Variants in HAUS4 observed in about 807,000 individuals in gnomAD.
HAUS4 encodes HAUS augmin like complex subunit 4, also known as HAUS augmin-like complex subunit 4.
HAUS4 carries 34 observed loss-of-function variants against 50.6 expected under a neutral mutation model. The ratio of observed to expected loss-of-function variants is 0.67; its 90% confidence interval spans 0.51 to 0.90. The LOEUF is 0.90. HAUS4 is among the 40% of genes least tolerant of loss of function. The pLI, the probability that HAUS4 is intolerant of heterozygous loss-of-function variation, is 0.00. For synonymous variants in HAUS4, 149 were observed against 161.4 expected (o/e 0.92, Z 0.58); for missense variants, 370 against 428.7 (o/e 0.86, Z 1.21).
In HAUS4 at chr14:22,950,369, C is replaced by T; in HGVS notation, c.507G>A (p.Glu169=). The T allele has an allele frequency of 6.2e-7, 1 of 1,613,264 alleles. No homozygotes were observed. The highest frequency in any genetic ancestry group is 8.5e-7 in the Non-Finnish European group (1 of 1,179,268). ...TGAAACATTTCTTTTTGAGCTGCTC[C>T]TCTACTTCTTGCTGTAGCCGAGCCC... ...WMRARLQQEV[E]EQLKKKCFTL... Residue 169 remains glutamate, a synonymous_variant, in exon 6 of 10, where the codon GAG becomes GAA. Coordinates refer to ENST00000541587, the MANE Select transcript of HAUS4 (RefSeq NM_001166269.2).
Position 22,951,677 on chromosome 14 carries a change from G to T in HAUS4, c.343C>A (p.Leu115Ile). The change falls in exon 5 of 10, where the codon CTT (leucine) becomes ATT (isoleucine). Residue 115 changes from leucine to isoleucine, a missense_variant. Transcript: ENST00000541587. ...TSEDKKFHETLEQRLLVTELM... is the reference protein window; with the variant it reads ...TSEDKKFHETIEQRLLVTELM... ...TCAGTTACAAGCAGCCGCTGTTCAA[G>T]GGTCTCATGAAACTGAGAGAGAGAG... is the stretch of plus-strand genomic sequence containing the variant. The T allele has an allele frequency of 1.2e-6, 2 of 1,605,656 alleles. No homozygotes were observed. The highest frequency in any genetic ancestry group is 1.7e-6 in the Non-Finnish European group (2 of 1,177,116).
chr14:22,951,399 A>T, intron 5 of HAUS4, 156 bp downstream of exon 5: 1 of 753,080 alleles, frequency 1.3e-6, no homozygotes, highest in South Asian at 1.6e-5. Flanking sequence ...TTCAGCTTTT[A>T]CTTGCTCCTG....
At position 22,952,320 on chromosome 14, in the gene HAUS4, T is replaced by C. The variant is rs1029459866; in HGVS notation, c.330+8A>G. 6.2e-7 allele frequency: 1 copy of C among 1,612,862 alleles called. No homozygotes were observed. The highest frequency in any genetic ancestry group is 2.2e-5 in the East Asian group (1 of 44,876). ...GGTGTTAGCCACCACGCCCAGCCTT[T>C]GCCTCACCTTTTTGTCCTCAGAAGT... is the stretch of plus-strand genomic sequence containing the variant. On this transcript the variant is annotated splice_region_variant and intron_variant, in intron 4 of 9. Transcript: ENST00000541587.
intron 5 of HAUS4, 73 bp downstream of exon 5, chr14:22,951,482 A>T: frequency 6.6e-7 from 1 of 1,524,668 alleles, no homozygotes; most frequent in Non-Finnish European, 9.0e-7. Context: ...AAAGCTTGAC[A>T]AAAAAAACAT....
At chr14:22,948,360 G>C (rs2044682288) in intron 6 of HAUS4, 1 of 170,822 alleles carries the variant, frequency 5.9e-6, no homozygotes, top group Admixed American at 6.0e-5. Context: ...TGAGGTGAGA[G>C]GATCACTTGA....
Position 22,946,450 on chromosome 14 carries a change from G to T in HAUS4, c.*75C>A. On this transcript the variant is annotated 3_prime_UTR_variant, in exon 10 of 10. Transcript: ENST00000541587. Reference sequence around the variant, plus strand: ...CCTTGTACTGAAGGCAGCCCCAGGTGAAGGTGGTCCCACTAGCAGGAAGAT... The same window carrying T: ...CCTTGTACTGAAGGCAGCCCCAGGTTAAGGTGGTCCCACTAGCAGGAAGAT... The T allele has an allele frequency of 8.3e-7, 1 of 1,208,660 alleles. No homozygotes were observed. Among genetic ancestry groups the T allele is most frequent in the Non-Finnish European group, 1.2e-6 (1 of 853,054 alleles). The allele number at this position is 1,208,660 out of a possible 1,614,324, so 74.9% of individuals were successfully genotyped here.
chr14:22,952,469 C>CA lies in HAUS4; in HGVS notation c.199-11dup. 6.8e-6 allele frequency: 11 copies of CA among 1,612,754 alleles called. No homozygotes were observed. The highest frequency in any genetic ancestry group is 9.3e-6 in the Non-Finnish European group (11 of 1,179,612). On this transcript the variant is annotated splice_polypyrimidine_tract_variant and intron_variant, in intron 3 of 9. Coordinates refer to ENST00000541587, the MANE Select transcript of HAUS4 (RefSeq NM_001166269.2). ...GAACTTCCTTCCATGCCTAGAAATC[C>CA]AAAAAATCTCAGGTAGGAACCTCTC...
At chr14:22,956,035 G>T (rs764625238) in intron 1 of HAUS4, among the ~76,000 whole-genome samples, 1 of 152,126 alleles carries the variant, frequency 6.6e-6, no homozygotes, top group African/African-American at 2.4e-5. Context: ...GGGCAACTGA[G>T]CCTCCCAAAG....
chr14:22,952,775 C>A (rs867811134), intron 2 of HAUS4, 92 bp from the exon 3 acceptor site: 10 of 1,035,476 alleles, frequency 9.7e-6, no homozygotes, highest in African/African-American at 8.1e-5. Flanking sequence ...TTCCAAAAAA[C>A]CCCTAGGATT....
chr14:22,953,614 ATTTTTTG>A (rs1210442053), intron 2 of HAUS4, among the ~76,000 whole-genome samples: 6 of 138,104 alleles, frequency 4.3e-5, no homozygotes, highest in African/African-American at 1.6e-4. Context: ...CCTGGCTAAT[ATTTTTTG>A]TTTTTTGTTT....
chr14:22,948,787 G>A (rs910798950), intron 6 of HAUS4, among the ~76,000 whole-genome samples: 2 of 151,840 alleles, frequency 1.3e-5, no homozygotes, highest in Admixed American at 6.6e-5. Flanking sequence ...CACCTGCCTC[G>A]GCCTCCCAAA....
chr14:22,948,620 C>G (rs1317018454), intron 6 of HAUS4, among the ~76,000 whole-genome samples: 1 of 151,870 alleles, frequency 6.6e-6, no homozygotes, highest in African/African-American at 2.4e-5. Context: ...ACTGCAACCT[C>G]CACCTCCCAG....
rs1829692644 is a variant in HAUS4 at position 22,946,400 on chromosome 14, T to G, written c.*125A>C. 1.6e-6 allele frequency: 1 copy of G among 623,020 alleles called. No individual in the cohort carries two copies. The highest frequency in any genetic ancestry group is 1.8e-5 in the African/African-American group (1 of 54,100). 38.6% of individuals were successfully genotyped at this position (623,020 alleles called of 1,614,324 possible). On this transcript the variant is annotated 3_prime_UTR_variant, in exon 10 of 10. Coordinates refer to ENST00000541587, the MANE Select transcript of HAUS4 (RefSeq NM_001166269.2). Reference sequence around the variant, plus strand: ...GAGAGTGCCTAAATGACTGCAGTGTTTCAAGCGTAAGCATTTCCACACTCC... The same window carrying G: ...GAGAGTGCCTAAATGACTGCAGTGTGTCAAGCGTAAGCATTTCCACACTCC...
chr14:22,947,291 A>G (rs1381881294), intron 8 of HAUS4, 52 bp from the exon 9 acceptor site: 1 of 1,265,966 alleles, frequency 7.9e-7, no homozygotes, highest in Non-Finnish European at 1.2e-6. Context: ...TGATAGCAGC[A>G]GGGTTGGGAA....
At chr14:22,954,281 T>C (rs2044818116) in intron 2 of HAUS4, 1 of 152,206 alleles carries the variant, frequency 6.6e-6, no homozygotes, top group Non-Finnish European at 1.5e-5. Context: ...CTTTGGAACA[T>C]TATACCCAAA....
rs2044645464 is a variant in HAUS4 at position 22,946,543 on chromosome 14, G to A, written c.1074C>T (p.Phe358=). 1 of 1,613,544 alleles carries A rather than the reference G, an allele frequency of 6.2e-7. No homozygotes were observed. Among genetic ancestry groups the A allele is most frequent in the Non-Finnish European group, 8.5e-7 (1 of 1,179,696 alleles). The stretch of plus-strand genomic sequence containing the variant: ...CCAGAGCTCAACGGTAGACCTTGCT[G>A]AACTCCTGGAGGGCCCACCGCTTGT... ...TENKRWALQE[F]SKVYR is the part of the protein sequence containing the mutation. Residue 358 remains phenylalanine, a synonymous_variant, in exon 10 of 10, where the codon TTC becomes TTT. Transcript: ENST00000541587.
chr14:22,948,053 C>T (rs1329005946), intron 6 of HAUS4, 40 bp from the exon 7 acceptor site: 10 of 1,545,006 alleles, frequency 6.5e-6, no homozygotes, highest in African/African-American at 2.7e-5. Flanking sequence ...AAACCCTAAT[C>T]GCTACAATCC....
intron 6 of HAUS4, among the ~76,000 whole-genome samples, chr14:22,949,690 A>G (rs770010565): frequency 6.6e-6 from 1 of 152,150 alleles, no homozygotes; most frequent in Non-Finnish European, 1.5e-5. Flanking sequence ...ATACCCTCCA[A>G]GCTTATACAG....
intron 6 of HAUS4, 39 bp from the exon 7 acceptor site, chr14:22,948,052 T>C: frequency 1.3e-6 from 2 of 1,551,466 alleles, no homozygotes; most frequent in Middle Eastern, 1.7e-4. Context: ...AAAACCCTAA[T>C]CGCTACAATC....
Sources: allele counts gnomAD v4.1 joint callset (sites outside exome capture counted in the v4.1 genomes callset), GRCh38; gene constraint gnomAD v4.1.1; transcripts MANE v1.5; gene names NCBI Gene and HGNC (gene_info 2026-07-23, HGNC 2026-07-21).